The following TEX101 variants were observed in gnomAD, a reference collection of about 807,000 sequenced individuals.
The protein encoded by TEX101 is testis-expressed protein 101.
TEX101 carries 10 observed loss-of-function variants against 18.1 expected under a neutral mutation model. That is an observed-to-expected ratio of 0.55 (90% CI 0.34 to 0.94). The LOEUF (loss-of-function observed/expected upper bound fraction) is 0.94, where lower values mean the gene tolerates loss of function less well. Ranked by LOEUF, TEX101 falls within the 40% of genes least tolerant of loss-of-function variation. The pLI, the probability that TEX101 is intolerant of heterozygous loss-of-function variation, is 0.02. For synonymous variants in TEX101, 94 were observed against 114.8 expected (o/e 0.82, Z 1.16); for missense variants, 259 against 298.9 (o/e 0.87, Z 0.98).
chr19:43,400,987 C>T (rs1599895906), upstream of TEX101, among the ~76,000 whole-genome samples: 1 of 152,152 alleles, frequency 6.6e-6, no homozygotes, highest in African/African-American at 2.4e-5. Flanking sequence ...TCTTTGAGGG[C>T]TGAGCTGATT....
chr19:43,400,556 T>A (rs1377105642), upstream of TEX101, among the ~76,000 whole-genome samples: 4 of 152,178 alleles, frequency 2.6e-5, no homozygotes, highest in Non-Finnish European at 5.9e-5. Flanking sequence ...CAGTTTAGAT[T>A]TCTTTCATTT....
At chr19:43,412,483 G>A (rs1180433840), upstream of TEX101, among the ~76,000 whole-genome samples, 3 of 152,174 alleles carry the variant, frequency 2.0e-5, no homozygotes, top group Non-Finnish European at 4.4e-5. Context: ...GCAAGAGGAG[G>A]TCCCTGGAGC....
chr19:43,388,667 G>T, the TEX101 span, among the ~76,000 whole-genome samples: 25 of 152,200 alleles, frequency 1.6e-4, no homozygotes, highest in South Asian at 4.2e-4. Flanking sequence ...AACTGGGAAC[G>T]AGTCACCGTG....
At chr19:43,396,633 T>C (rs1404016063), upstream of TEX101, among the ~76,000 whole-genome samples, 1 of 152,114 alleles carries the variant, frequency 6.6e-6, no homozygotes, top group African/African-American at 2.4e-5. Flanking sequence ...GAGGTTTACA[T>C]GGAACCAAAT....
At chr19:43,403,889 A>G (rs34759577) in intron 2 of TEX101, among the ~76,000 whole-genome samples, 49,305 of 151,700 alleles carry the variant, frequency 0.33, 8,636 homozygotes, top group East Asian at 0.72. Context: ...AATGCAAAAA[A>G]TTAGCCGGGC....
upstream of TEX101, among the ~76,000 whole-genome samples, chr19:43,414,410 C>T (rs879760800): frequency 2.0e-5 from 3 of 152,140 alleles, no homozygotes; most frequent in Non-Finnish European, 4.4e-5. Flanking sequence ...GATGAAGACG[C>T]CTGGGCTGCA....
chr19:43,395,844 A>G, the TEX101 span, among the ~76,000 whole-genome samples: 15 of 152,300 alleles, frequency 9.8e-5, no homozygotes, highest in East Asian at 1.9e-4. Flanking sequence ...CTGCTAGCTC[A>G]GCTGGTCAGC....
chr19:43,396,826 A>ATTT (rs1202828153), upstream of TEX101, among the ~76,000 whole-genome samples: 58 of 82,876 alleles, frequency 7.0e-4, no homozygotes, highest in Non-Finnish European at 9.7e-4. Flanking sequence ...TGTTTTCAGC[A>ATTT]TTTTTTTTTT....
chr19:43,392,786 G>A, the TEX101 span, among the ~76,000 whole-genome samples: 1 of 152,106 alleles, frequency 6.6e-6, no homozygotes, highest in Admixed American at 6.5e-5. Flanking sequence ...AGGCTGGAGT[G>A]GTGGCTCACA....
upstream of TEX101, among the ~76,000 whole-genome samples, chr19:43,413,045 G>C (rs762795488): frequency 1.5e-4 from 23 of 152,084 alleles, no homozygotes; most frequent in African/African-American, 5.6e-4. Flanking sequence ...AGCAACCCCT[G>C]ACCTAAACTA....
upstream of TEX101, among the ~76,000 whole-genome samples, chr19:43,412,195 C>G (rs146395074): frequency 2.0e-5 from 3 of 152,260 alleles, no homozygotes; most frequent in African/African-American, 7.2e-5. Flanking sequence ...AGCGTGGTGC[C>G]AGCATCTCCT....
intron 3 of TEX101, among the ~76,000 whole-genome samples, chr19:43,407,255 G>A (rs1042418812): frequency 1.3e-5 from 2 of 152,144 alleles, no homozygotes; most frequent in Admixed American, 6.5e-5. Flanking sequence ...AGGCCAAGGC[G>A]GGCGAATCAC....
the TEX101 span, among the ~76,000 whole-genome samples, chr19:43,394,640 T>C: frequency 1.3e-5 from 2 of 152,082 alleles, no homozygotes; most frequent in Admixed American, 6.6e-5. Context: ...CCAGCCAATT[T>C]TTTGTATTTT....
chr19:43,405,744 G>A (rs1970355407), intron 2 of TEX101, among the ~76,000 whole-genome samples: 1 of 150,088 alleles, frequency 6.7e-6, no homozygotes, highest in African/African-American at 2.5e-5. Flanking sequence ...GACCAACATG[G>A]TGAAACCCCG....
At chr19:43,417,832 C>G in intron 4 of TEX101, 46 bp from the exon 5 acceptor site, 2 of 1,610,616 alleles carry the variant, frequency 1.2e-6, no homozygotes, top group East Asian at 2.2e-5. Context: ...AGCAACATCT[C>G]TGGAGGCAGG....
chr19:43,414,817 T>G, upstream of TEX101: 1 of 984,616 alleles, frequency 1.0e-6, no homozygotes, highest in Non-Finnish European at 1.2e-6. Context: ...TCCAATGAAC[T>G]TATCCGATGC....
chr19:43,392,183 A>G, the TEX101 span, among the ~76,000 whole-genome samples: 12 of 152,204 alleles, frequency 7.9e-5, no homozygotes, highest in Middle Eastern at 3.4e-3. Context: ...GACAGAGAGC[A>G]AAGGGGACAG....
chr19:43,389,165 A>C, the TEX101 span, among the ~76,000 whole-genome samples: 2 of 152,334 alleles, frequency 1.3e-5, no homozygotes, highest in South Asian at 2.1e-4. Flanking sequence ...GGAACACGGT[A>C]CATATTCTCT....
upstream of TEX101, among the ~76,000 whole-genome samples, chr19:43,413,744 G>A (rs1310380944): frequency 6.6e-6 from 1 of 151,996 alleles, no homozygotes. Flanking sequence ...CCTGAGGTTA[G>A]GAGTTCAAGA....
Sources: allele counts gnomAD v4.1 joint callset (sites outside exome capture counted in the v4.1 genomes callset), GRCh38; gene constraint gnomAD v4.1.1; transcripts MANE v1.5; gene names NCBI Gene and HGNC (gene_info 2026-07-23, HGNC 2026-07-21).